Variants in FSIP2 observed in about 807,000 individuals in gnomAD.
FSIP2 encodes fibrous sheath-interacting protein 2.
In FSIP2, 367 loss-of-function variants were observed where a neutral mutation model predicts 510.5. The observed-to-expected ratio is 0.72, with a 90% CI of 0.66 to 0.78. The LOEUF is 0.78. FSIP2 is among the 30% of genes least tolerant of loss of function. FSIP2 has a pLI of 0.00. For missense variants in FSIP2, 7,594 were observed against 7,901.7 expected (o/e 0.96, Z 1.48); for synonymous variants, 2,601 against 2,732.2 (o/e 0.95, Z 1.50).
At chr2:185,775,523 T>C (rs1574170280) in intron 13 of FSIP2, among the ~76,000 whole-genome samples, 1 of 152,198 alleles carries the variant, frequency 6.6e-6, no homozygotes, top group African/African-American at 2.4e-5. Flanking sequence ...TCCCATTTTG[T>C]AGGTTGCCTG....
chr2:185,761,246 C>G (rs1026074602), intron 10 of FSIP2, 143 bp downstream of exon 10: 2 of 410,744 alleles, frequency 4.9e-6, no homozygotes, highest in African/African-American at 4.2e-5. Context: ...GATCCATTTT[C>G]CTGGCAGAAA....
At chr2:185,768,007 T>A (rs886295163) in intron 13 of FSIP2, among the ~76,000 whole-genome samples, 4 of 152,298 alleles carry the variant, frequency 2.6e-5, no homozygotes, top group Admixed American at 2.0e-4. Context: ...GGATTTCTTT[T>A]TCTTCACAAT....
Position 185,738,879 on chromosome 2 carries a change from G to GC in FSIP2, c.-16_-15insC. The GC allele has an allele frequency of 1.4e-6, 2 of 1,453,462 alleles. No individual in the cohort carries two copies. The highest frequency in any genetic ancestry group is 4.8e-5 in the Admixed American group (2 of 41,570). The allele number at this position is 1,453,462 out of a possible 1,614,324, so 90.0% of individuals were successfully genotyped here. ...GCGGGGCGGGTGAGGAAGGGGCTGAGGGGGCTGTGCCGGCCATGGAGCTGT... is the reference window on the plus strand; with the variant it reads ...GCGGGGCGGGTGAGGAAGGGGCTGAGCGGGGCTGTGCCGGCCATGGAGCTGT... On this transcript the variant is annotated 5_prime_UTR_variant, in exon 1 of 23. Coordinates refer to ENST00000424728, the MANE Select transcript of FSIP2 (RefSeq NM_173651.4).
chr2:185,805,089 A>G lies in FSIP2; in HGVS notation c.15783A>G (p.Lys5261=). The change falls in exon 17 of 23, where the codon AAA becomes AAG. Residue 5261 remains lysine, a synonymous_variant. Transcript: ENST00000424728. ...SDYDHVSELA[K]SGKEKTQPSL... ...ATGACCATGTCTCTGAACTTGCTAA[A>G]TCTGGTAAAGAAAAGACACAGCCTT... The G allele has an allele frequency of 6.2e-7, 1 of 1,605,784 alleles. No homozygotes were observed. The highest frequency in any genetic ancestry group is 8.5e-7 in the Non-Finnish European group (1 of 1,176,978).
At chr2:185,824,369 C>T (rs1467535910) in intron 19 of FSIP2, 65 bp from the exon 20 acceptor site, 1 of 1,067,288 alleles carries the variant, frequency 9.4e-7, no homozygotes, top group South Asian at 1.4e-5. Flanking sequence ...TGTTCTTTTG[C>T]TTAACCAGTA....
At chr2:185,752,260 C>T (rs1692164188) in intron 7 of FSIP2, among the ~76,000 whole-genome samples, 1 of 150,616 alleles carries the variant, frequency 6.6e-6, no homozygotes. Flanking sequence ...TGCTGTTTAA[C>T]TTTCTTCTCT....
chr2:185,784,746 C>T (rs1375153883), intron 14 of FSIP2, among the ~76,000 whole-genome samples: 2 of 152,008 alleles, frequency 1.3e-5, no homozygotes, highest in Non-Finnish European at 2.9e-5. Flanking sequence ...CTGCTATTAC[C>T]TAGATTCACT....
At position 185,808,155 on chromosome 2, in the gene FSIP2, T is replaced by A. The variant is rs1180700787; in HGVS notation, c.18849T>A (p.Asp6283Glu). 1.9e-6 allele frequency: 3 copies of A among 1,611,240 alleles called. No individual in the cohort carries two copies. In the South Asian group the frequency reaches 3.3e-5, roughly 18 times the overall value. Reference sequence around the variant, plus strand: ...TGGGTAAAAGCAATGTCCTCTCTGATACAATAGGCTTTTTAATGGTGAATG... The same window carrying A: ...TGGGTAAAAGCAATGTCCTCTCTGAAACAATAGGCTTTTTAATGGTGAATG... ...DLMGKSNVLSDTIGFLMVNAI... is the reference protein window; with the variant it reads ...DLMGKSNVLSETIGFLMVNAI... The change falls in exon 17 of 23, where the codon GAT (aspartate) becomes GAA (glutamate). Residue 6283 changes from aspartate (D) to glutamate (E), a missense_variant. Asp to Glu is a conservative substitution (Grantham distance 45). Transcript: ENST00000424728.
rs756654599 is a variant in FSIP2, at chr2:185,795,529, A to G, written c.8393A>G (p.His2798Arg). The change falls in exon 16 of 23, where the codon CAT (histidine) becomes CGT (arginine). Residue 2798 changes from histidine to arginine, a missense_variant. Physicochemically the swap from His to Arg is conservative, Grantham distance 29. Coordinates refer to ENST00000424728, the MANE Select transcript of FSIP2 (RefSeq NM_173651.4). Reference protein sequence around the residue: ...CNLAYPMKSSHLRLSQGNIGT... With the variant: ...CNLAYPMKSSRLRLSQGNIGT... Reference sequence around the variant, plus strand: ...TTGGCTTACCCGATGAAATCCTCACATCTCAGACTTTCACAGGGGAATATA... The same window carrying G: ...TTGGCTTACCCGATGAAATCCTCACGTCTCAGACTTTCACAGGGGAATATA... 1 of 1,534,864 alleles carries G rather than the reference A, an allele frequency of 6.5e-7. No individual in the cohort carries two copies. Among genetic ancestry groups the G allele is most frequent in the South Asian group, 1.2e-5 (1 of 83,978 alleles).
In FSIP2 at chr2:185,790,849, T is replaced by A. The variant is rs568633111; in HGVS notation, c.3713T>A (p.Val1238Asp). 1.3e-6 allele frequency: 2 copies of A among 1,533,000 alleles called. No homozygotes were observed. Among genetic ancestry groups the A allele is most frequent in the Non-Finnish European group, 1.7e-6 (2 of 1,144,990 alleles). 95.0% of individuals were successfully genotyped at this position (1,533,000 alleles called of 1,614,324 possible). A position where few individuals can be genotyped will look rare whatever the true frequency, so the allele number is the denominator to read the frequency against. Residue 1238 changes from valine (V) to aspartate (D), a missense_variant, in exon 16 of 23, where the codon GTT becomes GAT. Coordinates refer to ENST00000424728, the MANE Select transcript of FSIP2 (RefSeq NM_173651.4). ...KKMKYLSLFD[V>D]DPEKPPWLKS... ...ATGAAATATTTATCTTTATTTGACG[T>A]TGATCCTGAAAAGCCTCCCTGGTTA...
intron 17 of FSIP2, among the ~76,000 whole-genome samples, chr2:185,811,468 C>CA (rs796187112): frequency 0.051 from 3,000 of 58,702 alleles, 79 homozygotes; most frequent in African/African-American, 0.13. Context: ...GACTCCACCT[C>CA]AAAAAAAAAA....
In FSIP2 at chr2:185,800,222, A is replaced by G; in HGVS notation, c.10916A>G (p.Asn3639Ser). Residue 3639 changes from asparagine (N) to serine (S), a missense_variant, in exon 17 of 23, where the codon AAT (asparagine) becomes AGT (serine). Coordinates refer to ENST00000424728, the MANE Select transcript of FSIP2 (RefSeq NM_173651.4). Reference protein sequence around the residue: ...VRNKSFSMHRNNSVPLCNKIN... With the variant: ...VRNKSFSMHRSNSVPLCNKIN... ...AACAAATCATTTTCTATGCATAGAA[A>G]TAATAGTGTACCCCTTTGCAACAAA... is the stretch of plus-strand genomic sequence containing the variant. 1 of 1,532,574 alleles carries G rather than the reference A, an allele frequency of 6.5e-7. No homozygotes were observed. Among genetic ancestry groups the G allele is most frequent in the Non-Finnish European group, 8.7e-7 (1 of 1,144,944 alleles). 94.9% of individuals were successfully genotyped at this position (1,532,574 alleles called of 1,614,324 possible).
Position 185,797,109 on chromosome 2 carries a change from A to C in FSIP2, c.9973A>C (p.Lys3325Gln). ...NQIQTTISPL[K>Q]ICLAAENIVN... Reference sequence around the variant, plus strand: ...AATTCAGACAACCATTTCCCCTCTCAAAATATGTTTAGCTGCAGAAAATAT... The same window carrying C: ...AATTCAGACAACCATTTCCCCTCTCCAAATATGTTTAGCTGCAGAAAATAT... Residue 3325 changes from lysine to glutamine, a missense_variant, in exon 16 of 23, where the codon AAA (lysine) becomes CAA (glutamine). Transcript: ENST00000424728. The C allele has an allele frequency of 1.3e-6, 2 of 1,535,130 alleles. No individual in the cohort carries two copies. Among genetic ancestry groups the C allele is most frequent in the Non-Finnish European group, 1.7e-6 (2 of 1,146,274 alleles).
intron 8 of FSIP2, 55 bp downstream of exon 8, chr2:185,753,897 G>A (rs1246566789): frequency 2.4e-6 from 3 of 1,254,320 alleles, no homozygotes; most frequent in Non-Finnish European, 3.1e-6. Context: ...GATTATCTAT[G>A]TAAAAATCCT....
chr2:185,761,002 G>A lies in FSIP2; in HGVS notation c.1093G>A (p.Ala365Thr). 6.8e-7 allele frequency: 1 copy of A among 1,460,366 alleles called. No homozygotes were observed. Among genetic ancestry groups the A allele is most frequent in the South Asian group, 1.3e-5 (1 of 76,148 alleles). 90.5% of individuals were successfully genotyped at this position (1,460,366 alleles called of 1,614,324 possible). A position where few individuals can be genotyped will look rare whatever the true frequency, so the allele number is the denominator to read the frequency against. Residue 365 changes from alanine to threonine, a missense_variant, in exon 10 of 23, where the codon GCT becomes ACT. Coordinates refer to ENST00000424728, the MANE Select transcript of FSIP2 (RefSeq NM_173651.4). ...YKETHGHTAN[A>T]AHQRQNSSNN... ...TTTTCTTTTAGGACATACAGCAAAT[G>A]CTGCTCATCAGCGTCAAAATAGTTC...
rs1693550375 is a variant in FSIP2 at position 185,805,681 on chromosome 2, A to G, written c.16375A>G (p.Met5459Val). Residue 5459 changes from methionine to valine, a missense_variant, in exon 17 of 23, where the codon ATG (methionine) becomes GTG (valine). Physicochemically the swap from Met to Val is conservative, Grantham distance 21. Transcript: ENST00000424728. ...TSSTPDCKNM[M>V]STLEINRGTM... ...TTCCACCCCAGATTGCAAAAACATGATGAGCACTTTGGAAATAAATAGAGG... is the reference window on the plus strand; with the variant it reads ...TTCCACCCCAGATTGCAAAAACATGGTGAGCACTTTGGAAATAAATAGAGG... 6.2e-7 allele frequency: 1 copy of G among 1,610,932 alleles called. No individual in the cohort carries two copies. The highest frequency in any genetic ancestry group is 8.5e-7 in the Non-Finnish European group (1 of 1,178,520).
chr2:185,801,660 A>G lies in FSIP2; in HGVS notation c.12354A>G (p.Gln4118=). 1 of 1,528,936 alleles carries G rather than the reference A, an allele frequency of 6.5e-7. No individual in the cohort carries two copies. Among genetic ancestry groups the G allele is most frequent in the Non-Finnish European group, 8.7e-7 (1 of 1,143,492 alleles). 94.7% of individuals were successfully genotyped at this position (1,528,936 alleles called of 1,614,324 possible). A position where few individuals can be genotyped will look rare whatever the true frequency, so the allele number is the denominator to read the frequency against. ...CTGAAATTATATTGCAAAAGCTTCA[A>G]AGTAACCTAACAGAATTTACTTCTC... ...LKPEIILQKL[Q]SNLTEFTSLP... is the part of the protein sequence containing the mutation. The change falls in exon 17 of 23, where the codon CAA becomes CAG. Residue 4118 remains glutamine, a synonymous_variant. Transcript: ENST00000424728.
intron 13 of FSIP2, among the ~76,000 whole-genome samples, chr2:185,776,683 G>A (rs1692730043): frequency 6.6e-6 from 1 of 152,068 alleles, no homozygotes; most frequent in Admixed American, 6.5e-5. Flanking sequence ...ATTTTTAAGT[G>A]TTTTATGGAT....
rs773206662 is a variant in FSIP2, at chr2:185,792,206, A to T, written c.5070A>T (p.Val1690=). Residue 1690 remains valine, a synonymous_variant, in exon 16 of 23, where the codon GTA becomes GTT. Transcript: ENST00000424728. ...TAGTCAAGTTAATTTTAGATGCAGT[A>T]TCTTCCGATATGTTTAATGAAATGG... The part of the protein sequence containing the change: ...KYVVKLILDA[V]SSDMFNEMES... 4.6e-6 allele frequency: 7 copies of T among 1,532,594 alleles called. No individual in the cohort carries two copies. The South Asian group carries it at 8.4e-5, about 18-fold the overall frequency. 94.9% of individuals were successfully genotyped at this position (1,532,594 alleles called of 1,614,324 possible).
Sources: gnomAD v4.1 joint callset for allele counts (sites outside exome capture counted in the v4.1 genomes callset) on GRCh38, gnomAD v4.1.1 for gene constraint, MANE v1.5 for transcripts, NCBI Gene and HGNC (gene_info 2026-07-23, HGNC 2026-07-21) for gene names.